Variants in RUNX1 observed in about 807,000 individuals in gnomAD.
The protein encoded by RUNX1 is RUNX family transcription factor 1.
Under a neutral mutation model 42.8 loss-of-function variants are expected in RUNX1, and 19 were observed. The ratio of observed to expected loss-of-function variants is 0.44; its 90% CI spans 0.31 to 0.65. The LOEUF (loss-of-function observed/expected upper bound fraction) is 0.65. RUNX1 is among the 30% of genes least tolerant of loss of function. RUNX1 has a pLI of 0.07. For synonymous variants in RUNX1, 271 were observed against 289.4 expected, an observed-to-expected ratio of 0.94 and a Z score of 0.64; for missense variants, 528 against 672.0, an observed-to-expected ratio of 0.79 and a Z score of 2.37.
At chr21:35,042,284 A>G (rs1348002777) in intron 2 of RUNX1, among the ~76,000 whole-genome samples, 1 of 152,236 alleles carries the variant, frequency 6.6e-6, no homozygotes, top group Non-Finnish European at 1.5e-5. Flanking sequence ...TCCATCTGCA[A>G]CTTCCAAGAG....
At chr21:34,850,234 C>T (rs996303242) in intron 6 of RUNX1, among the ~76,000 whole-genome samples, 10 of 152,310 alleles carry the variant, frequency 6.6e-5, no homozygotes, top group Non-Finnish European at 1.0e-4. Flanking sequence ...CCATGGGAGA[C>T]GTGCACCCAA....
chr21:34,889,272 C>G (rs2058045809), intron 3 of RUNX1, among the ~76,000 whole-genome samples: 1 of 152,142 alleles, frequency 6.6e-6, no homozygotes, highest in Non-Finnish European at 1.5e-5. Context: ...CGCTCCTGCA[C>G]CGTCCGGCTG....
At chr21:34,865,463 A>G (rs931208845) in intron 5 of RUNX1, among the ~76,000 whole-genome samples, 7 of 152,218 alleles carry the variant, frequency 4.6e-5, no homozygotes, top group East Asian at 1.9e-4. Flanking sequence ...AAGCCAGGCC[A>G]GTGCTCCTCA....
rs550800598 is a variant in RUNX1, at chr21:34,889,862, G to GCCGGGCCCTGCACCTC, written c.98-2782_98-2767dup. On this transcript the variant is annotated intron_variant, in intron 3 of 8. Transcript: ENST00000675419. ...CCATGAGTCCCTCCACGCCCTCCCT[G>GCCGGGCCCTGCACCTC]CCGGGCCCTGCACCTCCCGGGGCCT... 125 of 1,086,732 alleles carry GCCGGGCCCTGCACCTC rather than the reference G, an allele frequency of 1.2e-4. 1 individual carries two copies. The East Asian group carries it at 4.6e-3, about 40-fold the overall frequency. 67.3% of individuals were successfully genotyped at this position (1,086,732 alleles called of 1,614,324 possible).
At chr21:34,991,707 C>T (rs560242302) in intron 2 of RUNX1, among the ~76,000 whole-genome samples, 2 of 152,312 alleles carry the variant, frequency 1.3e-5, no homozygotes, top group South Asian at 4.1e-4. Context: ...ATGGTCTGAA[C>T]TGGGTTGTGT....
intron 4 of RUNX1, among the ~76,000 whole-genome samples, chr21:34,886,420 T>G (rs1421892670): frequency 2.0e-5 from 3 of 152,244 alleles, no homozygotes; most frequent in Non-Finnish European, 4.4e-5. Context: ...TCTTACTATT[T>G]TATTTCCTGA....
chr21:34,956,469 C>T lies in RUNX1; in HGVS notation c.59-63506G>A, dbSNP rs574254298. Among the ~76,000 whole-genome samples the T allele has an allele frequency of 1.5e-3, 233 of 152,196 alleles. 1 individual carries two copies. Among genetic ancestry groups the T allele is most frequent in the Admixed American group, 2.9e-3 (45 of 15,290 alleles). On this transcript the variant is annotated intron_variant, in intron 2 of 8. Transcript: ENST00000675419. ...TGAAATTTCAAGCTCCTTGGGTCTTCGAAAGGCCACTTTTATGTCTGCAGC... is the reference window on the plus strand; with the variant it reads ...TGAAATTTCAAGCTCCTTGGGTCTTTGAAAGGCCACTTTTATGTCTGCAGC...
At chr21:35,039,033 G>T (rs1207252570) in intron 2 of RUNX1, among the ~76,000 whole-genome samples, 2 of 152,168 alleles carry the variant, frequency 1.3e-5, no homozygotes, top group Non-Finnish European at 2.9e-5. Context: ...GCAGGGGCCG[G>T]TTACTCCTAT....
At chr21:34,829,083 G>T (rs1052518184) in intron 7 of RUNX1, among the ~76,000 whole-genome samples, 9 of 152,100 alleles carry the variant, frequency 5.9e-5, no homozygotes, top group African/African-American at 2.2e-4. Context: ...GCTTTAAAAG[G>T]TTAAGTAACT....
intron 5 of RUNX1, among the ~76,000 whole-genome samples, chr21:34,868,193 G>T (rs1411237932): frequency 6.6e-6 from 1 of 152,150 alleles, no homozygotes; most frequent in Non-Finnish European, 1.5e-5. Context: ...TGACTTCTAG[G>T]TACAGTGCCA....
intron 2 of RUNX1, among the ~76,000 whole-genome samples, chr21:35,018,199 CA>C (rs2059173392): frequency 6.6e-6 from 1 of 152,022 alleles, no homozygotes; most frequent in Admixed American, 6.6e-5. Context: ...ATAATTTTTG[CA>C]TTTTTAGTAT....
At chr21:34,818,200 T>C (rs1601385959) in intron 7 of RUNX1, among the ~76,000 whole-genome samples, 3 of 152,304 alleles carry the variant, frequency 2.0e-5, no homozygotes, top group African/African-American at 7.2e-5. Flanking sequence ...ACCCCACTCC[T>C]CCCCTGGGCT....
At chr21:34,832,505 T>C (rs1191196395) in intron 7 of RUNX1, among the ~76,000 whole-genome samples, 1 of 152,226 alleles carries the variant, frequency 6.6e-6, no homozygotes, top group Non-Finnish European at 1.5e-5. Flanking sequence ...CCTAGTAGTA[T>C]AAATGGCCAG....
chr21:34,800,486 C>T (rs952746830), intron 7 of RUNX1, among the ~76,000 whole-genome samples: 3 of 152,184 alleles, frequency 2.0e-5, no homozygotes, highest in Non-Finnish European at 2.9e-5. Context: ...GTCTTCATAG[C>T]CAGAGCTTCA....
intron 2 of RUNX1, among the ~76,000 whole-genome samples, chr21:34,972,057 A>G (rs1368618933): frequency 2.0e-5 from 3 of 152,182 alleles, no homozygotes; most frequent in Admixed American, 2.0e-4. Flanking sequence ...TCAAGTTTAC[A>G]TGGCATTTTT....
At chr21:34,889,898 C>G (rs2146438325) in intron 3 of RUNX1, 1 of 1,039,836 alleles carries the variant, frequency 9.6e-7, no homozygotes, top group Non-Finnish European at 1.2e-6. Flanking sequence ...CTCATCCACC[C>G]CGGGGCTGCA....
In RUNX1 at chr21:34,792,303, C is replaced by CGGG; in HGVS notation, c.1274_1275insCCC (p.Pro426dup). The CGGG allele has an allele frequency of 6.5e-7, 1 of 1,536,108 alleles. No homozygotes were observed. The highest frequency in any genetic ancestry group is 8.8e-7 in the Non-Finnish European group (1 of 1,142,284). On this transcript the variant is annotated inframe_insertion, in exon 9 of 9. Transcript: ENST00000675419. This position sits in a 1 kb window ranked among gnomAD's most constrained non-coding sequence, Gnocchi z 6.9. ...TGGTGCAGGGCGGCAGGATGCGCGG[C>CGGG]GGCGAGCGCTCGCCGCCCACCATGG...
chr21:34,877,923 T>C (rs929798953), intron 5 of RUNX1, among the ~76,000 whole-genome samples: 1 of 152,130 alleles, frequency 6.6e-6, no homozygotes, highest in African/African-American at 2.4e-5. Context: ...TTTGACAGAA[T>C]TCAAAATTGG....
intron 2 of RUNX1, among the ~76,000 whole-genome samples, chr21:34,937,004 G>A (rs1361385509): frequency 1.3e-5 from 2 of 152,034 alleles, no homozygotes; most frequent in Non-Finnish European, 2.9e-5. Flanking sequence ...AGACAGAGGG[G>A]AGACAAAGGA....
Sources: allele counts gnomAD v4.1 joint callset (sites outside exome capture counted in the v4.1 genomes callset), GRCh38; gene constraint gnomAD v4.1.1; non-coding constraint Gnocchi (gnomAD v3.1); transcripts MANE v1.5; gene names NCBI Gene and HGNC (gene_info 2026-07-23, HGNC 2026-07-21).